EVI5: variants seen among roughly 807,000 people sequenced by gnomAD.
EVI5 encodes the protein ecotropic viral integration site 5 protein homolog.
A neutral mutation model predicts 112.0 loss-of-function variants in EVI5; 73 were observed. That is an observed-to-expected ratio of 0.65 (90% confidence interval 0.54 to 0.79). The LOEUF is 0.79. Ranked by LOEUF, EVI5 falls within the 30% of genes least tolerant of loss-of-function variation. EVI5 has a pLI of 0.00. For missense variants in EVI5, 900 were observed against 968.8 expected, an observed-to-expected ratio of 0.93 and a Z score of 0.94; for synonymous variants, 305 against 319.9, an observed-to-expected ratio of 0.95 and a Z score of 0.50.
At chr1:92,591,984 T>C (rs7418569) in intron 18 of EVI5, among the ~76,000 whole-genome samples, 140,323 of 152,326 alleles carry the variant, frequency 0.92, 64,721 homozygotes, top group East Asian at 0.97. Context: ...TGGCTCACGC[T>C]TGTAATCCCA....
At chr1:92,574,145 G>A (rs563518900) in intron 18 of EVI5, among the ~76,000 whole-genome samples, 3 of 151,984 alleles carry the variant, frequency 2.0e-5, no homozygotes, top group African/African-American at 4.8e-5. Flanking sequence ...AACGACCTAC[G>A]CACACACATT....
chr1:92,737,104 A>G (rs559013797), intron 1 of EVI5, among the ~76,000 whole-genome samples: 2 of 152,202 alleles, frequency 1.3e-5, no homozygotes, highest in Non-Finnish European at 2.9e-5. Flanking sequence ...ATGACTAACA[A>G]TTCAACAAAA....
chr1:92,586,739 T>A (rs1397596206), intron 18 of EVI5, among the ~76,000 whole-genome samples: 2 of 151,514 alleles, frequency 1.3e-5, no homozygotes, highest in African/African-American at 4.8e-5. Context: ...ATTTCTTTTT[T>A]TTTTTAATTT....
Position 92,729,456 on chromosome 1 carries a change from T to C in EVI5, c.149+6942A>G, listed in dbSNP as rs145678839. 6.8e-3 allele frequency among the ~76,000 whole-genome samples: 1,031 copies of C among 152,280 alleles called. 11 individuals are homozygous for C. The highest frequency in any genetic ancestry group is 0.023 in the African/African-American group (948 of 41,548). On this transcript the variant is annotated intron_variant, in intron 2 of 19. Coordinates refer to ENST00000684568, the MANE Select transcript of EVI5 (RefSeq NM_001350197.2). Reference sequence around the variant, plus strand: ...ACAGACATTACAAGGTGACAACATATTACCGATAAAGGTCAAGGACTTTTG... The same window carrying C: ...ACAGACATTACAAGGTGACAACATACTACCGATAAAGGTCAAGGACTTTTG...
chr1:92,790,994 C>T (rs952554614), intron 1 of EVI5, among the ~76,000 whole-genome samples: 1 of 152,078 alleles, frequency 6.6e-6, no homozygotes, highest in African/African-American at 2.4e-5. Context: ...CTAGATCTGC[C>T]ATGACTATGG....
intron 14 of EVI5, among the ~76,000 whole-genome samples, chr1:92,632,560 TTC>T (rs1267185841): frequency 6.6e-6 from 1 of 152,140 alleles, no homozygotes; most frequent in African/African-American, 2.4e-5. Context: ...TATTTGATTA[TTC>T]TCTCTTTTCT....
chr1:92,520,306 C>T (rs1450752756), intron 19 of EVI5, among the ~76,000 whole-genome samples: 2 of 152,154 alleles, frequency 1.3e-5, no homozygotes, highest in African/African-American at 4.8e-5. Flanking sequence ...TCTTCAGTCT[C>T]CATTCCAGAA....
At chr1:92,565,449 G>GT (rs1425191045) in intron 18 of EVI5, among the ~76,000 whole-genome samples, 2 of 152,126 alleles carry the variant, frequency 1.3e-5, no homozygotes, top group African/African-American at 2.4e-5. Context: ...GTATTTACAG[G>GT]TTTTTTTAAA....
intron 13 of EVI5, among the ~76,000 whole-genome samples, chr1:92,638,062 G>A (rs534290715): frequency 6.2e-4 from 95 of 152,198 alleles, no homozygotes; most frequent in Non-Finnish European, 1.1e-3. Flanking sequence ...CAGTTATTTC[G>A]TGGGTACTGG....
chr1:92,752,235 C>CTAGAGT (rs1680299531), intron 1 of EVI5, among the ~76,000 whole-genome samples: 1 of 152,002 alleles, frequency 6.6e-6, no homozygotes, highest in Non-Finnish European at 1.5e-5. Context: ...AGTACAGTGG[C>CTAGAGT]ACAATCTCAG....
At chr1:92,521,036 A>G (rs939221255) in intron 19 of EVI5, among the ~76,000 whole-genome samples, 3 of 149,188 alleles carry the variant, frequency 2.0e-5, no homozygotes, top group Admixed American at 1.4e-4. Context: ...ATCTCAGCTC[A>G]CTGCAGACTC....
intron 1 of EVI5, chr1:92,784,500 GC>G: frequency 1.1e-6 from 1 of 886,700 alleles, no homozygotes; most frequent in Non-Finnish European, 1.4e-6. Flanking sequence ...AGGGTGGGGT[GC>G]AGGGTCAGTG....
At chr1:92,590,698 T>C (rs1044371146) in intron 18 of EVI5, among the ~76,000 whole-genome samples, 1 of 152,194 alleles carries the variant, frequency 6.6e-6, no homozygotes. Context: ...TGCAGGATAC[T>C]ATCCAGGAGA....
chr1:92,555,709 G>A (rs1194456585), intron 19 of EVI5, among the ~76,000 whole-genome samples: 1 of 151,994 alleles, frequency 6.6e-6, no homozygotes, highest in Non-Finnish European at 1.5e-5. Flanking sequence ...AATTAACCAG[G>A]TGTGGCGGCA....
At chr1:92,769,896 A>C (rs1205420746) in intron 1 of EVI5, among the ~76,000 whole-genome samples, 1 of 152,170 alleles carries the variant, frequency 6.6e-6, no homozygotes, top group African/African-American at 2.4e-5. Context: ...TCAACAACAA[A>C]AAAAAGATCA....
chr1:92,695,438 G>C lies in EVI5; in HGVS notation c.781C>G (p.Leu261Val), dbSNP rs1420688587. 1 of 1,601,438 alleles carries C rather than the reference G, an allele frequency of 6.2e-7. No homozygotes were observed. Among genetic ancestry groups the C allele is most frequent in the Non-Finnish European group, 8.5e-7 (1 of 1,171,524 alleles). ...CTCTGAGATTGAAAATGTACAAAGA[G>C]CTCTGGAAGATGCTCCTAAAGAGAA... Reference protein sequence around the residue: ...ECMIQEHLPELFVHFQSQSFH... With the variant: ...ECMIQEHLPEVFVHFQSQSFH... Residue 261 changes from leucine (L) to valine (V), a missense_variant, in exon 7 of 20, where the codon CTC (leucine) becomes GTC (valine). Physicochemically the swap from Leu to Val is conservative, Grantham distance 32. Coordinates refer to ENST00000684568, the MANE Select transcript of EVI5 (RefSeq NM_001350197.2).
intron 9 of EVI5, among the ~76,000 whole-genome samples, chr1:92,680,271 T>C (rs1020350041): frequency 6.6e-6 from 1 of 152,192 alleles, no homozygotes; most frequent in Non-Finnish European, 1.5e-5. Context: ...CAAGAAGGTA[T>C]AAGTTGAACC....
upstream of EVI5, among the ~76,000 whole-genome samples, chr1:92,787,708 C>G (rs1424013567): frequency 6.0e-5 from 9 of 150,924 alleles, no homozygotes; most frequent in African/African-American, 2.2e-4. Context: ...CCACTGCACT[C>G]CAGCCTGGGC....
chr1:92,749,310 C>A, intron 1 of EVI5: 1 of 212,600 alleles, frequency 4.7e-6, no homozygotes. Flanking sequence ...GCTCTCCTTA[C>A]TTAACCTCCT....
Sources: gnomAD v4.1 joint callset for allele counts (sites outside exome capture counted in the v4.1 genomes callset) on GRCh38, gnomAD v4.1.1 for gene constraint, MANE v1.5 for transcripts, NCBI Gene and HGNC (gene_info 2026-07-23, HGNC 2026-07-21) for gene names.